ZNF385D: variants seen among roughly 807,000 people sequenced by gnomAD.
ZNF385D encodes zinc finger protein 659.
Under a neutral mutation model 35.8 loss-of-function variants are expected in ZNF385D, and 15 were observed. That is an observed-to-expected ratio of 0.42 (90% confidence interval 0.28 to 0.64). The LOEUF is 0.64. Ranked by LOEUF, ZNF385D falls within the 30% of genes least tolerant of loss-of-function variation. The pLI, the probability that ZNF385D is intolerant of heterozygous loss-of-function variation, is 0.23. For missense variants in ZNF385D, 474 were observed against 494.6 expected, an observed-to-expected ratio of 0.96 and a Z score of 0.39; for synonymous variants, 212 against 186.8, an observed-to-expected ratio of 1.13 and a Z score of -1.10.
intron 2 of ZNF385D, among the ~76,000 whole-genome samples, chr3:22,308,262 G>C (rs903082618): frequency 6.6e-6 from 1 of 151,984 alleles, no homozygotes; most frequent in Admixed American, 6.6e-5. Context: ...TTACTCATCT[G>C]AGCGGAATTT....
intron 2 of ZNF385D, among the ~76,000 whole-genome samples, chr3:21,620,287 G>T (rs1303969047): frequency 2.0e-5 from 3 of 152,058 alleles, no homozygotes; most frequent in Non-Finnish European, 4.4e-5. Flanking sequence ...TTAAGATGGG[G>T]CTGACCACTA....
intron 3 of ZNF385D, among the ~76,000 whole-genome samples, chr3:22,036,771 C>T (rs368277018): frequency 2.0e-4 from 30 of 148,112 alleles, no homozygotes; most frequent in Admixed American, 6.1e-4. Context: ...TGCAAGTTTG[C>T]TACATATGTA....
rs546883358 is a variant in ZNF385D at position 21,582,046 on chromosome 3, G to T, written c.166-17362C>A. Among the ~76,000 whole-genome samples, 3 of 152,148 alleles carry T rather than the reference G, an allele frequency of 2.0e-5. No individual in the cohort carries two copies. The East Asian group carries it at 5.8e-4, about 29-fold the overall frequency. On this transcript the variant is annotated intron_variant, in intron 2 of 7. Transcript: ENST00000281523. ...TTGTGGCCAAATAATTTTATACAGG[G>T]TACAGTATTATCCTCATTTTACAGA...
At chr3:21,865,386 CCT>C (rs149959184) in intron 3 of ZNF385D, among the ~76,000 whole-genome samples, 10,624 of 151,868 alleles carry the variant, frequency 0.07, 543 homozygotes, top group East Asian at 0.21. Flanking sequence ...AAGATAAAAT[CCT>C]TGTTCAGCAA....
At position 21,601,206 on chromosome 3, in the gene ZNF385D, A is replaced by G. The variant is rs539916810; in HGVS notation, c.166-36522T>C. Among the ~76,000 whole-genome samples the G allele has an allele frequency of 2.6e-5, 4 of 152,324 alleles. No homozygotes were observed. The East Asian group carries it at 7.7e-4, about 29-fold the overall frequency. On this transcript the variant is annotated intron_variant, in intron 2 of 7. Coordinates refer to ENST00000281523, the MANE Select transcript of ZNF385D (RefSeq NM_024697.3). ...ATATACTCCACTTGATGGGGCACCA[A>G]ATTATTTAGAAAGTCATACCTGTGA...
intron 4 of ZNF385D, among the ~76,000 whole-genome samples, chr3:21,459,059 T>C (rs1423832614): frequency 2.0e-5 from 3 of 152,156 alleles, no homozygotes; most frequent in Non-Finnish European, 4.4e-5. Flanking sequence ...AACTATCACC[T>C]GGGAGGGTAA....
chr3:21,911,122 G>C (rs1314623204), intron 3 of ZNF385D, among the ~76,000 whole-genome samples: 1 of 151,754 alleles, frequency 6.6e-6, no homozygotes, highest in Admixed American at 6.6e-5. Flanking sequence ...TATAATATTG[G>C]CTCTTCCAAA....
intron 2 of ZNF385D, among the ~76,000 whole-genome samples, chr3:21,624,633 C>T (rs909703779): frequency 8.6e-5 from 13 of 151,934 alleles, no homozygotes; most frequent in Non-Finnish European, 1.3e-4. Context: ...ACTTTGAGTG[C>T]CTACCTAGAA....
At chr3:21,559,056 T>C (rs965820337) in intron 3 of ZNF385D, among the ~76,000 whole-genome samples, 7 of 151,414 alleles carry the variant, frequency 4.6e-5, no homozygotes, top group Non-Finnish European at 7.4e-5. Context: ...TTTGAGCTTA[T>C]GCGTGTTTTT....
intron 3 of ZNF385D, among the ~76,000 whole-genome samples, chr3:21,884,931 T>G (rs953352727): frequency 6.6e-5 from 10 of 152,060 alleles, no homozygotes; most frequent in Non-Finnish European, 1.3e-4. Context: ...AAATAAAGTT[T>G]TTCAGGGAGA....
intron 3 of ZNF385D, among the ~76,000 whole-genome samples, chr3:21,764,076 G>T (rs1223169466): frequency 6.6e-6 from 1 of 152,122 alleles, no homozygotes; most frequent in South Asian, 2.1e-4. Flanking sequence ...GATAATCAGG[G>T]AGATTAGAGA....
At chr3:22,098,308 C>G (rs1383218829) in intron 3 of ZNF385D, among the ~76,000 whole-genome samples, 2 of 151,926 alleles carry the variant, frequency 1.3e-5, no homozygotes. Context: ...AAGAATCAGA[C>G]CAAGTCAAAT....
At chr3:22,198,321 G>A (rs1345647136) in intron 2 of ZNF385D, among the ~76,000 whole-genome samples, 1 of 152,062 alleles carries the variant, frequency 6.6e-6, no homozygotes, top group African/African-American at 2.4e-5. Flanking sequence ...GGCAACCACT[G>A]ATATTTGCAG....
At chr3:21,843,055 C>G (rs989937955) in intron 3 of ZNF385D, among the ~76,000 whole-genome samples, 6 of 151,994 alleles carry the variant, frequency 3.9e-5, no homozygotes, top group African/African-American at 1.4e-4. Flanking sequence ...AGAAGAGATC[C>G]TTTAGAAGCT....
chr3:21,446,435 G>A (rs12495770), intron 4 of ZNF385D, among the ~76,000 whole-genome samples: 46,903 of 145,884 alleles, frequency 0.32, 8,317 homozygotes, highest in Non-Finnish European at 0.41. Context: ...GAGAACCCTG[G>A]AAAAAAGTAG....
intron 3 of ZNF385D, among the ~76,000 whole-genome samples, chr3:22,098,405 T>C (rs1201615996): frequency 6.6e-6 from 1 of 152,072 alleles, no homozygotes; most frequent in Non-Finnish European, 1.5e-5. Context: ...ATTTAGTGTT[T>C]AGGAAAAGGG....
chr3:22,357,031 T>A lies in ZNF385D; in HGVS notation c.106+15419A>T, dbSNP rs186807566. Among the ~76,000 whole-genome samples, 183 of 151,948 alleles carry A rather than the reference T, an allele frequency of 1.2e-3. 1 individual carries two copies. Among genetic ancestry groups the A allele is most frequent in the African/African-American group, 4.1e-3 (172 of 41,518 alleles). On this transcript the variant is annotated intron_variant, in intron 2 of 5. Transcript: ENST00000494108. Reference sequence around the variant, plus strand: ...CATTTTACTGAGCATATTAATTATATGAAAAAGTGCAAGAATAAGCATTAG... The same window carrying A: ...CATTTTACTGAGCATATTAATTATAAGAAAAAGTGCAAGAATAAGCATTAG...
chr3:22,112,823 C>G (rs575243962), intron 3 of ZNF385D, among the ~76,000 whole-genome samples: 1 of 151,270 alleles, frequency 6.6e-6, no homozygotes, highest in African/African-American at 2.4e-5. Context: ...AGGGAATGAA[C>G]TGTCACCCTT....
At chr3:21,893,522 CT>C in intron 3 of ZNF385D, among the ~76,000 whole-genome samples, 1 of 152,192 alleles carries the variant, frequency 6.6e-6, no homozygotes, top group East Asian at 1.9e-4. Flanking sequence ...CTTAACTAGC[CT>C]TTATGTGAAA....
Sources: gnomAD v4.1 joint callset for allele counts (sites outside exome capture counted in the v4.1 genomes callset) on GRCh38, gnomAD v4.1.1 for gene constraint, MANE v1.5 for transcripts, NCBI Gene and HGNC (gene_info 2026-07-23, HGNC 2026-07-21) for gene names.